LDLRAD3: variants seen among roughly 807,000 people sequenced by gnomAD.
The protein encoded by LDLRAD3 is low density lipoprotein receptor class A domain containing 3.
LDLRAD3 carries 20 observed loss-of-function variants against 29.4 expected under a neutral mutation model. That is an observed-to-expected ratio of 0.68 (90% CI 0.48 to 0.99). The LOEUF (loss-of-function observed/expected upper bound fraction) is 0.99. Among genes scored for constraint, LDLRAD3 ranks in the 50% least tolerant of loss-of-function variants. The pLI, the probability that LDLRAD3 is intolerant of heterozygous loss-of-function variation, is 0.00. For synonymous variants in LDLRAD3, 157 were observed against 192.7 expected (o/e 0.81, Z 1.53); for missense variants, 420 against 454.3 (o/e 0.92, Z 0.69).
intron 1 of LDLRAD3, among the ~76,000 whole-genome samples, chr11:36,007,512 T>C (rs1851900131): frequency 6.6e-6 from 1 of 152,050 alleles, no homozygotes; most frequent in African/African-American, 2.4e-5. Flanking sequence ...GAGAATCTGA[T>C]AAAGGTGAGG....
At chr11:36,029,833 G>C (rs1852213646) in intron 1 of LDLRAD3, among the ~76,000 whole-genome samples, 1 of 152,142 alleles carries the variant, frequency 6.6e-6, no homozygotes, top group African/African-American at 2.4e-5. Context: ...GCTATACAAA[G>C]TGCAGACACC....
At chr11:35,966,030 G>A (rs948873891) in intron 1 of LDLRAD3, among the ~76,000 whole-genome samples, 1 of 152,162 alleles carries the variant, frequency 6.6e-6, no homozygotes. Flanking sequence ...CTTTTATCAC[G>A]TAAAATGTTC....
At chr11:36,019,094 G>C (rs1246623383) in intron 1 of LDLRAD3, among the ~76,000 whole-genome samples, 1 of 152,096 alleles carries the variant, frequency 6.6e-6, no homozygotes, top group Non-Finnish European at 1.5e-5. Context: ...ATTTAATTAG[G>C]TGAAATTTTT....
chr11:36,107,264 G>A (rs1315171632), intron 4 of LDLRAD3, among the ~76,000 whole-genome samples: 1 of 151,216 alleles, frequency 6.6e-6, no homozygotes, highest in Non-Finnish European at 1.5e-5. Context: ...GCAATGGCGC[G>A]ATCTTGGCTC....
intron 4 of LDLRAD3, among the ~76,000 whole-genome samples, chr11:36,132,766 C>G (rs186538904): frequency 6.6e-6 from 1 of 152,318 alleles, no homozygotes; most frequent in East Asian, 1.9e-4. Flanking sequence ...GCGGTTTAAG[C>G]CCATGTGGGG....
chr11:36,101,197 C>T (rs1444623774), intron 4 of LDLRAD3, among the ~76,000 whole-genome samples: 1 of 152,164 alleles, frequency 6.6e-6, no homozygotes, highest in Non-Finnish European at 1.5e-5. Context: ...CTGTCAGTTT[C>T]ATGGGTATAA....
intron 1 of LDLRAD3, among the ~76,000 whole-genome samples, chr11:36,009,240 A>G (rs1008751726): frequency 3.9e-5 from 6 of 152,162 alleles, no homozygotes; most frequent in Non-Finnish European, 8.8e-5. Context: ...TTATCTTGGC[A>G]GTGCTTCCCA....
chr11:36,202,925 T>A (rs1462464867), intron 4 of LDLRAD3, among the ~76,000 whole-genome samples: 2 of 152,140 alleles, frequency 1.3e-5, no homozygotes, highest in Non-Finnish European at 2.9e-5. Context: ...GCTACATACT[T>A]ATTTAATTAT....
chr11:36,229,039 T>A, intron 5 of LDLRAD3, 121 bp from the exon 6 acceptor site: 1 of 728,476 alleles, frequency 1.4e-6, no homozygotes, highest in South Asian at 1.7e-5. Flanking sequence ...GAGGGAAAAA[T>A]CTCATTTCGC....
chr11:36,115,155 G>C (rs2133290519), intron 4 of LDLRAD3, among the ~76,000 whole-genome samples: 1 of 152,338 alleles, frequency 6.6e-6, no homozygotes, highest in Non-Finnish European at 1.5e-5. Context: ...TGAGAGGAGA[G>C]AGATGCTTGG....
intron 4 of LDLRAD3, among the ~76,000 whole-genome samples, chr11:36,101,644 C>T (rs1478655953): frequency 6.6e-6 from 1 of 152,086 alleles, no homozygotes; most frequent in Non-Finnish European, 1.5e-5. Context: ...GTAGGGTGTA[C>T]ACATCTCCCT....
intron 5 of LDLRAD3, 68 bp downstream of exon 5, chr11:36,227,498 A>C: frequency 8.3e-7 from 1 of 1,198,192 alleles, no homozygotes; most frequent in Non-Finnish European, 1.2e-6. Flanking sequence ...ATAGGTGCAC[A>C]CACTGAGGTT....
chr11:36,155,836 C>T (rs1304095865), intron 4 of LDLRAD3, among the ~76,000 whole-genome samples: 1 of 152,106 alleles, frequency 6.6e-6, no homozygotes, highest in Non-Finnish European at 1.5e-5. Context: ...CTAGAAAATC[C>T]TCTGTTGGAG....
chr11:36,128,117 CATATAT>C (rs57687795), intron 4 of LDLRAD3, among the ~76,000 whole-genome samples: 14 of 98,954 alleles, frequency 1.4e-4, no homozygotes, highest in African/African-American at 4.7e-4. Flanking sequence ...GTTGTTTTTA[CATATAT>C]ATATATATAT....
intron 2 of LDLRAD3, among the ~76,000 whole-genome samples, chr11:36,074,362 C>T (rs1458293302): frequency 6.6e-6 from 1 of 152,138 alleles, no homozygotes; most frequent in Non-Finnish European, 1.5e-5. Context: ...GTAGGTTCTA[C>T]TGCAGATAGT....
chr11:36,183,398 A>T (rs1419381987), intron 4 of LDLRAD3, among the ~76,000 whole-genome samples: 1 of 152,236 alleles, frequency 6.6e-6, no homozygotes, highest in African/African-American at 2.4e-5. Context: ...TTTCCTATCT[A>T]AACCTCTATT....
intron 1 of LDLRAD3, among the ~76,000 whole-genome samples, chr11:36,015,874 T>C (rs920663351): frequency 2.0e-5 from 3 of 152,176 alleles, no homozygotes; most frequent in Admixed American, 6.5e-5. Context: ...AGCCTTGGGC[T>C]CCAGACTCCA....
At position 36,176,192 on chromosome 11, in the gene LDLRAD3, T is replaced by C. The variant is rs568545040; in HGVS notation, c.455-50893T>C. ...TACCTTAAGTTTATGTGAGTCCTTA[T>C]GTGTTAGGTGAGTCTCTTGAAGACA... On this transcript the variant is annotated intron_variant, in intron 4 of 5. Transcript: ENST00000315571. Among the ~76,000 whole-genome samples, 11 of 152,314 alleles carry C rather than the reference T, an allele frequency of 7.2e-5. No individual in the cohort carries two copies. In the South Asian group the frequency reaches 2.3e-3, roughly 32 times the overall value.
chr11:36,132,382 G>A (rs1167875896), intron 4 of LDLRAD3, among the ~76,000 whole-genome samples: 1 of 152,172 alleles, frequency 6.6e-6, no homozygotes, highest in Non-Finnish European at 1.5e-5. Context: ...AATGATGTGT[G>A]ATTATCTAAT....
Sources: allele counts gnomAD v4.1 joint callset (sites outside exome capture counted in the v4.1 genomes callset), GRCh38; gene constraint gnomAD v4.1.1; transcripts MANE v1.5; gene names NCBI Gene and HGNC (gene_info 2026-07-23, HGNC 2026-07-21).